TJP1: variants seen among roughly 807,000 people sequenced by gnomAD.
TJP1 encodes tight junction protein ZO-1.
TJP1 carries 43 observed loss-of-function variants against 194.2 expected under a neutral mutation model. The observed-to-expected ratio is 0.22, with a 90% CI of 0.17 to 0.29. The LOEUF is 0.29. Ranked by LOEUF, TJP1 falls within the 10% of genes least tolerant of loss-of-function variation. TJP1 has a pLI of 1.00. For missense variants in TJP1, 1,971 were observed against 2,185.7 expected, an observed-to-expected ratio of 0.90 and a Z score of 1.96; for synonymous variants, 801 against 779.0, an observed-to-expected ratio of 1.03 and a Z score of -0.47.
chr15:29,855,120 T>C (rs2051796543), intron 2 of TJP1, among the ~76,000 whole-genome samples: 1 of 152,136 alleles, frequency 6.6e-6, no homozygotes, highest in Non-Finnish European at 1.5e-5. Context: ...ATGAAAAATA[T>C]GAAACATAGT....
intron 1 of TJP1, among the ~76,000 whole-genome samples, chr15:29,816,692 T>G (rs1041949640): frequency 6.6e-6 from 1 of 152,222 alleles, no homozygotes; most frequent in Non-Finnish European, 1.5e-5. Flanking sequence ...AATCCCTATA[T>G]GTAATGACTG....
Position 29,832,756 on chromosome 15 carries a change from G to T in TJP1, c.307-32054C>A, listed in dbSNP as rs1485474619. Among the ~76,000 whole-genome samples, 4 of 152,224 alleles carry T rather than the reference G, an allele frequency of 2.6e-5. No individual in the cohort carries two copies. In the East Asian group the frequency reaches 7.7e-4, roughly 29 times the overall value. On this transcript the variant is annotated intron_variant, in intron 2 of 28. Coordinates refer to the TJP1 transcript ENST00000356107. ...AGGCAGATGTGGGAAGATAAACTAT[G>T]TAGAACTTTTTTTCCTTGGAAGACT... is the stretch of plus-strand genomic sequence containing the variant.
At chr15:29,845,697 G>A (rs2051381185) in intron 2 of TJP1, among the ~76,000 whole-genome samples, 1 of 152,004 alleles carries the variant, frequency 6.6e-6, no homozygotes, top group Non-Finnish European at 1.5e-5. Flanking sequence ...CCCAGCTGTC[G>A]GGAGGCTGAG....
At chr15:29,717,915 C>G in intron 22 of TJP1, 106 bp downstream of exon 22, 1 of 878,592 alleles carries the variant, frequency 1.1e-6, no homozygotes, top group Non-Finnish European at 1.8e-6. Flanking sequence ...CAAACTCCTC[C>G]TATTCACACC....
chr15:29,952,604 A>C (rs1468991338), intron 2 of TJP1, among the ~76,000 whole-genome samples: 1 of 152,170 alleles, frequency 6.6e-6, no homozygotes, highest in Non-Finnish European at 1.5e-5. Context: ...AAGCAATAAA[A>C]GTTGTATTTT....
At chr15:29,705,884 A>C in intron 25 of TJP1, 139 bp from the exon 26 acceptor site, 1 of 710,060 alleles carries the variant, frequency 1.4e-6, no homozygotes, top group Non-Finnish European at 2.3e-6. Context: ...AGTTTCTGGC[A>C]ACAGATTTTA....
chr15:29,951,533 A>C (rs868204949), intron 2 of TJP1, among the ~76,000 whole-genome samples: 64 of 152,304 alleles, frequency 4.2e-4, no homozygotes, highest in Admixed American at 2.0e-3. Context: ...CTGCTATTAA[A>C]AAAACAAAAC....
intron 2 of TJP1, among the ~76,000 whole-genome samples, chr15:29,949,661 TCCACAACCACCACCTCCACCTTCA>T (rs2055545264): frequency 2.1e-5 from 1 of 48,134 alleles, no homozygotes; most frequent in African/African-American, 6.8e-5. Flanking sequence ...CACCTCCACC[TCCACAACCACCACCTCCACCTTCA>T]CCACCACCTC....
exon 1 of TJP1, chr15:29,968,680 T>C: frequency 2.7e-6 from 3 of 1,128,778 alleles, no homozygotes; most frequent in Non-Finnish European, 3.3e-6. Context: ...AGCTTCCTCT[T>C]GAGCGGCAGG....
At chr15:29,755,456 T>C (rs890180856) in intron 8 of TJP1, among the ~76,000 whole-genome samples, 4 of 152,208 alleles carry the variant, frequency 2.6e-5, no homozygotes, top group Non-Finnish European at 5.9e-5. Context: ...CAAACGTGAA[T>C]TTAGGCTAAA....
intron 5 of TJP1, among the ~76,000 whole-genome samples, chr15:29,765,900 AAACAACAACAACAAC>A (rs140295014): frequency 6.6e-6 from 1 of 152,046 alleles, no homozygotes; most frequent in Admixed American, 6.5e-5. Flanking sequence ...ACAACAACAA[AAACAACAACAACAAC>A]AACACTCCCA....
intron 8 of TJP1, among the ~76,000 whole-genome samples, chr15:29,750,671 A>T (rs2045212707): frequency 6.6e-6 from 1 of 152,128 alleles, no homozygotes; most frequent in African/African-American, 2.4e-5. Flanking sequence ...TTTAAAAATA[A>T]CCTTAATACA....
chr15:29,891,334 G>A (rs981820276), intron 2 of TJP1, among the ~76,000 whole-genome samples: 3 of 152,152 alleles, frequency 2.0e-5, no homozygotes, highest in African/African-American at 4.8e-5. Context: ...GTTTGAAATC[G>A]GAAACTTGAC....
At chr15:29,874,536 T>C (rs1337623124) in intron 2 of TJP1, among the ~76,000 whole-genome samples, 2 of 152,022 alleles carry the variant, frequency 1.3e-5, no homozygotes, top group African/African-American at 2.4e-5. Flanking sequence ...CATTATGAAA[T>C]AGAAGAAACC....
rs1595657905 is a variant in TJP1 at position 29,728,177 on chromosome 15, A to T, written c.2018-158T>A. ...GTACTTAAAGTGAGTTTTAATATGC[A>T]TACTTCCCTTTTTTTTTTTCACTAT... On this transcript the variant is annotated intron_variant, in intron 15 of 27. Coordinates refer to ENST00000614355, the MANE Select transcript of TJP1 (RefSeq NM_001330239.4). The T allele has an allele frequency of 1.3e-5, 6 of 457,818 alleles. No homozygotes were observed. The Middle Eastern group carries it at 1.9e-3, about 145-fold the overall frequency. The allele number at this position is 457,818 out of a possible 1,614,324, so 28.4% of individuals were successfully genotyped here.
intron 2 of TJP1, among the ~76,000 whole-genome samples, chr15:29,786,930 C>T (rs2047736988): frequency 6.6e-6 from 1 of 152,144 alleles, no homozygotes; most frequent in Non-Finnish European, 1.5e-5. Flanking sequence ...TACCTTACTT[C>T]ACATGGTTAA....
At chr15:29,820,841 C>G (rs1238801486) in intron 1 of TJP1, among the ~76,000 whole-genome samples, 1 of 152,186 alleles carries the variant, frequency 6.6e-6, no homozygotes, top group Non-Finnish European at 1.5e-5. Context: ...ACGAAGAATA[C>G]TATATCCCTT....
Position 29,734,401 on chromosome 15 carries a change from T to C in TJP1, c.1408-19A>G. On this transcript the variant is annotated intron_variant, in intron 11 of 27. Transcript: ENST00000614355. ...TGTTTACCTAATAAATAAGATTTCA[T>C]AAATCATTCTTGGCTGTTTAAGAAT... The C allele has an allele frequency of 6.4e-7, 1 of 1,551,080 alleles. No homozygotes were observed.
At chr15:29,740,498 G>A (rs1018086848) in intron 10 of TJP1, among the ~76,000 whole-genome samples, 1 of 151,910 alleles carries the variant, frequency 6.6e-6, no homozygotes, top group Admixed American at 6.6e-5. Context: ...AGGTGTGGTG[G>A]TGTGTGTCCT....
Sources: gnomAD v4.1 joint callset for allele counts (sites outside exome capture counted in the v4.1 genomes callset) on GRCh38, gnomAD v4.1.1 for gene constraint, MANE v1.5 for transcripts, NCBI Gene and HGNC (gene_info 2026-07-23, HGNC 2026-07-21) for gene names.